The following CNTLN variants were observed in gnomAD, a reference collection of about 807,000 sequenced individuals.
CNTLN encodes centlein, centrosomal protein.
A neutral mutation model predicts 180.0 loss-of-function variants in CNTLN; 212 were observed. The ratio of observed to expected loss-of-function variants is 1.18; its 90% confidence interval spans 1.05 to 1.32. The LOEUF is 1.32. Ranked by LOEUF, CNTLN falls within the 40% of genes most tolerant of loss-of-function variation. The pLI is 0.00. For synonymous variants in CNTLN, 722 were observed against 563.1 expected, an observed-to-expected ratio of 1.28 and a Z score of -3.99; for missense variants, 2,095 against 1,610.9, an observed-to-expected ratio of 1.30 and a Z score of -5.14.
intron 18 of CNTLN, among the ~76,000 whole-genome samples, chr9:17,446,250 G>T (rs1830413019): frequency 6.6e-6 from 1 of 152,112 alleles, no homozygotes; most frequent in Non-Finnish European, 1.5e-5. Context: ...CTTTGTCTCT[G>T]TGTCTTTTTC....
chr9:17,511,121 C>T, the CNTLN span, among the ~76,000 whole-genome samples: 2 of 152,106 alleles, frequency 1.3e-5, no homozygotes, highest in African/African-American at 4.8e-5. Context: ...CTCCACCATT[C>T]TCACCCCAAC....
intron 2 of CNTLN, among the ~76,000 whole-genome samples, chr9:17,214,198 G>A (rs1229162472): frequency 6.6e-6 from 1 of 152,180 alleles, no homozygotes; most frequent in Admixed American, 6.5e-5. Context: ...GGTACCGGTT[G>A]TTCCTTTCCA....
intron 8 of CNTLN, among the ~76,000 whole-genome samples, chr9:17,329,044 T>C (rs983116412): frequency 1.3e-4 from 20 of 152,090 alleles, no homozygotes; most frequent in African/African-American, 4.8e-4. Context: ...GCTATAGCAT[T>C]ATAATCCATT....
chr9:17,308,122 A>T (rs557752600), intron 7 of CNTLN, among the ~76,000 whole-genome samples: 6 of 152,068 alleles, frequency 3.9e-5, no homozygotes, highest in African/African-American at 1.2e-4. Context: ...TTAAATCACA[A>T]TTATACATTA....
chr9:17,356,355 G>C (rs929434659), intron 12 of CNTLN, among the ~76,000 whole-genome samples: 2 of 152,184 alleles, frequency 1.3e-5, no homozygotes, highest in African/African-American at 4.8e-5. Context: ...CCCTAGGTAA[G>C]AGTGGAAAGT....
chr9:17,166,860 CA>C (rs1429939766), intron 2 of CNTLN: 2 of 457,188 alleles, frequency 4.4e-6, no homozygotes, highest in East Asian at 7.4e-5. Context: ...AAGAATATAC[CA>C]AAAAAGATAA....
intron 16 of CNTLN, among the ~76,000 whole-genome samples, chr9:17,415,533 G>C (rs1828156702): frequency 6.6e-6 from 1 of 152,020 alleles, no homozygotes; most frequent in Non-Finnish European, 1.5e-5. Flanking sequence ...CTTGGTATCA[G>C]TTATAGAATT....
chr9:17,213,730 C>G (rs573741686), intron 2 of CNTLN, among the ~76,000 whole-genome samples: 1 of 152,264 alleles, frequency 6.6e-6, no homozygotes, highest in African/African-American at 2.4e-5. Flanking sequence ...CTTTATGAAT[C>G]TGGGTGCTCC....
intron 18 of CNTLN, among the ~76,000 whole-genome samples, chr9:17,446,520 C>G (rs1830436722): frequency 6.6e-6 from 1 of 152,100 alleles, no homozygotes; most frequent in African/African-American, 2.4e-5. Flanking sequence ...ATAATGTAGT[C>G]TTCCTAAGAA....
intron 2 of CNTLN, among the ~76,000 whole-genome samples, chr9:17,171,645 C>G (rs1053676268): frequency 2.0e-5 from 3 of 152,040 alleles, no homozygotes; most frequent in Non-Finnish European, 2.9e-5. Flanking sequence ...GGCCATGGAG[C>G]TGATGTTTGG....
chr9:17,199,401 C>G (rs1405387102), intron 2 of CNTLN, among the ~76,000 whole-genome samples: 1 of 151,846 alleles, frequency 6.6e-6, no homozygotes, highest in African/African-American at 2.4e-5. Context: ...TTAATAGAGA[C>G]TAGGTTTCAC....
At chr9:17,293,871 T>C (rs545176366) in intron 6 of CNTLN, among the ~76,000 whole-genome samples, 3 of 152,096 alleles carry the variant, frequency 2.0e-5, no homozygotes, top group South Asian at 4.2e-4. Flanking sequence ...CATGGGCTCA[T>C]TGGGGGACCT....
At chr9:17,275,253 T>A (rs1828237462) in intron 6 of CNTLN, among the ~76,000 whole-genome samples, 1 of 152,122 alleles carries the variant, frequency 6.6e-6, no homozygotes, top group Admixed American at 6.6e-5. Context: ...TTGTTTAAAT[T>A]TTTGAACATT....
At chr9:17,447,241 A>T in intron 18 of CNTLN, 1 of 214,660 alleles carries the variant, frequency 4.7e-6, no homozygotes, top group Admixed American at 4.2e-5. Flanking sequence ...GTTCCAACAG[A>T]GCCATGTTGC....
chr9:17,181,901 C>T, intron 2 of CNTLN, among the ~76,000 whole-genome samples: 1 of 152,140 alleles, frequency 6.6e-6, no homozygotes. Context: ...AGGAAGGGAG[C>T]CTTGTTATTG....
chr9:17,300,385 A>C (rs1314130795), intron 7 of CNTLN: 2 of 152,138 alleles, frequency 1.3e-5, no homozygotes, highest in African/African-American at 2.4e-5. Flanking sequence ...AGGAAAGAGT[A>C]TATCTAATTG....
At chr9:17,357,474 A>G (rs1254350518) in intron 12 of CNTLN, among the ~76,000 whole-genome samples, 1 of 151,050 alleles carries the variant, frequency 6.6e-6, no homozygotes, top group Non-Finnish European at 1.5e-5. Context: ...GTCCATATAC[A>G]TATGATATTT....
chr9:17,398,046 A>G (rs1483872924), intron 15 of CNTLN, among the ~76,000 whole-genome samples: 1 of 151,938 alleles, frequency 6.6e-6, no homozygotes, highest in African/African-American at 2.4e-5. Context: ...AATTTTGTAT[A>G]TATAAAATAC....
At chr9:17,259,369 C>A (rs1174666566) in intron 5 of CNTLN, among the ~76,000 whole-genome samples, 1 of 130,144 alleles carries the variant, frequency 7.7e-6, no homozygotes, top group African/African-American at 3.0e-5. Flanking sequence ...CTGCTGGATT[C>A]AGTTTGCCAG....
Sources: gnomAD v4.1 joint callset for allele counts (sites outside exome capture counted in the v4.1 genomes callset) on GRCh38, gnomAD v4.1.1 for gene constraint, MANE v1.5 for transcripts, NCBI Gene and HGNC (gene_info 2026-07-23, HGNC 2026-07-21) for gene names.